Variants in FHIP1A observed in about 807,000 individuals in gnomAD.
FHIP1A encodes the protein FHF complex subunit HOOK interacting protein 1A.
In FHIP1A, 61 loss-of-function variants were observed where a neutral mutation model predicts 88.6. The ratio of observed to expected loss-of-function variants is 0.69; its 90% CI spans 0.56 to 0.85. The LOEUF is 0.85. Among genes scored for constraint, FHIP1A ranks in the 40% least tolerant of loss-of-function variants. FHIP1A has a pLI of 0.00. For synonymous variants in FHIP1A, 478 were observed against 496.0 expected, an observed-to-expected ratio of 0.96 and a Z score of 0.48; for missense variants, 1,154 against 1,273.5, an observed-to-expected ratio of 0.91 and a Z score of 1.43.
intron 6 of FHIP1A, among the ~76,000 whole-genome samples, chr4:151,587,163 C>G (rs983448546): frequency 3.9e-5 from 6 of 152,140 alleles, no homozygotes; most frequent in Admixed American, 3.3e-4. Flanking sequence ...TGGGAATTTA[C>G]AAAGGAGAAC....
rs77138575 is a variant in FHIP1A at position 151,537,947 on chromosome 4, A to G, written c.-122-28191A>G. The stretch of plus-strand genomic sequence containing the variant: ...ATCCCAGTCATAGCCTCTTTTGCCA[A>G]TTCTTCCACAATTTCTGTAATTGTA... On this transcript the variant is annotated intron_variant, in intron 3 of 13. Coordinates refer to ENST00000435205, the MANE Select transcript of FHIP1A (RefSeq NM_001109977.3). Among the ~76,000 whole-genome samples the G allele has an allele frequency of 5.4e-3, 819 of 152,258 alleles. 6 individuals carry two copies. The highest frequency in any genetic ancestry group is 0.019 in the African/African-American group (786 of 41,540).
At chr4:151,608,382 G>A (rs1416510356) in intron 7 of FHIP1A, among the ~76,000 whole-genome samples, 2 of 151,838 alleles carry the variant, frequency 1.3e-5, no homozygotes, top group Non-Finnish European at 2.9e-5. Flanking sequence ...CTCAGAATGT[G>A]GTATCAACTC....
intron 9 of FHIP1A, among the ~76,000 whole-genome samples, chr4:151,640,435 G>A (rs974312252): frequency 4.6e-5 from 7 of 152,136 alleles, no homozygotes; most frequent in African/African-American, 1.4e-4. Flanking sequence ...AACACCCTGG[G>A]TAGTCTGGGT....
At chr4:151,615,044 A>C (rs1235251380) in intron 7 of FHIP1A, among the ~76,000 whole-genome samples, 1 of 152,138 alleles carries the variant, frequency 6.6e-6, no homozygotes, top group African/African-American at 2.4e-5. Flanking sequence ...CTTCTGACAA[A>C]TGTAGCTGAA....
chr4:151,546,680 G>T (rs1007027891), intron 3 of FHIP1A, among the ~76,000 whole-genome samples: 3 of 152,184 alleles, frequency 2.0e-5, no homozygotes, highest in Non-Finnish European at 4.4e-5. Context: ...AGTTACCCAG[G>T]ACTGAAGAAT....
At chr4:151,631,679 T>C (rs992719057) in intron 8 of FHIP1A, among the ~76,000 whole-genome samples, 1 of 152,174 alleles carries the variant, frequency 6.6e-6, no homozygotes, top group African/African-American at 2.4e-5. Flanking sequence ...TAAGAGGTTG[T>C]AGCACAAAGC....
intron 2 of FHIP1A, among the ~76,000 whole-genome samples, chr4:151,465,263 A>G (rs1729268851): frequency 6.6e-6 from 1 of 152,162 alleles, no homozygotes; most frequent in Non-Finnish European, 1.5e-5. Flanking sequence ...CAAATAAACT[A>G]GAAAATCTAG....
At chr4:151,598,558 C>T (rs1734740026) in intron 7 of FHIP1A, among the ~76,000 whole-genome samples, 1 of 152,146 alleles carries the variant, frequency 6.6e-6, no homozygotes, top group Non-Finnish European at 1.5e-5. Context: ...ATTCTCTCAG[C>T]CTTATGCATT....
chr4:151,439,561 A>G (rs1410146913), intron 1 of FHIP1A, among the ~76,000 whole-genome samples: 1 of 152,142 alleles, frequency 6.6e-6, no homozygotes, highest in African/African-American at 2.4e-5. Flanking sequence ...CTTTTGTTCT[A>G]AGATGAAGTT....
At chr4:151,450,810 C>T (rs2126579925) in intron 1 of FHIP1A, among the ~76,000 whole-genome samples, 1 of 151,920 alleles carries the variant, frequency 6.6e-6, no homozygotes, top group African/African-American at 2.4e-5. Flanking sequence ...CAGAGTTTCG[C>T]TCTGTCCCCC....
intron 2 of FHIP1A, among the ~76,000 whole-genome samples, chr4:151,465,070 T>C (rs1232461253): frequency 6.6e-6 from 1 of 152,090 alleles, no homozygotes; most frequent in Non-Finnish European, 1.5e-5. Context: ...TAGCCAGGCA[T>C]GGTGGTGCAC....
At chr4:151,610,415 A>G (rs1288093656) in intron 7 of FHIP1A, among the ~76,000 whole-genome samples, 1 of 152,164 alleles carries the variant, frequency 6.6e-6, no homozygotes, top group Non-Finnish European at 1.5e-5. Flanking sequence ...TTTCCACTGT[A>G]ATTTATCAAA....
intron 8 of FHIP1A, among the ~76,000 whole-genome samples, chr4:151,632,156 T>C (rs924680940): frequency 7.9e-5 from 12 of 152,130 alleles, no homozygotes; most frequent in African/African-American, 2.4e-4. Flanking sequence ...TGTACTTATA[T>C]TTAAAAATTA....
chr4:151,510,713 T>C (rs867068665), intron 3 of FHIP1A, among the ~76,000 whole-genome samples: 1 of 152,222 alleles, frequency 6.6e-6, no homozygotes, highest in African/African-American at 2.4e-5. Context: ...CTTCTCACTT[T>C]TACATTTAAA....
At chr4:151,432,232 G>A (rs946908990) in intron 1 of FHIP1A, among the ~76,000 whole-genome samples, 4 of 152,158 alleles carry the variant, frequency 2.6e-5, no homozygotes, top group African/African-American at 7.2e-5. Flanking sequence ...AACTCACAGA[G>A]CTTTTAAAAT....
chr4:151,506,919 C>G (rs1370543646), intron 3 of FHIP1A, among the ~76,000 whole-genome samples: 1 of 152,122 alleles, frequency 6.6e-6, no homozygotes, highest in Non-Finnish European at 1.5e-5. Context: ...AACTTTGCTT[C>G]CTGGGACAGA....
In FHIP1A at chr4:151,618,229, G is replaced by A. The variant is rs1016169176; in HGVS notation, c.979-11473G>A. 3.9e-5 allele frequency among the ~76,000 whole-genome samples: 6 copies of A among 152,320 alleles called. No individual in the cohort carries two copies. The East Asian group carries it at 1.2e-3, about 29-fold the overall frequency. ...TATATTAGAATAGAGTGATGTGTTG[G>A]TTATGCTGGAAAATAAAATACCAGG... On this transcript the variant is annotated intron_variant, in intron 7 of 13. Coordinates refer to ENST00000435205, the MANE Select transcript of FHIP1A (RefSeq NM_001109977.3).
intron 1 of FHIP1A, among the ~76,000 whole-genome samples, chr4:151,434,719 C>G (rs1176999156): frequency 6.6e-6 from 1 of 152,140 alleles, no homozygotes; most frequent in Non-Finnish European, 1.5e-5. Context: ...TTGAGCTGAT[C>G]TAATCTGGTA....
intron 7 of FHIP1A, among the ~76,000 whole-genome samples, chr4:151,623,187 G>C (rs77314179): frequency 2.5e-4 from 38 of 152,322 alleles, no homozygotes; most frequent in Non-Finnish European, 3.7e-4. Context: ...GTATTGGTCA[G>C]CTTGTCCTGT....
Sources: allele counts gnomAD v4.1 joint callset (sites outside exome capture counted in the v4.1 genomes callset), GRCh38; gene constraint gnomAD v4.1.1; transcripts MANE v1.5; gene names NCBI Gene and HGNC (gene_info 2026-07-23, HGNC 2026-07-21).